HOXB3: variants seen among roughly 807,000 people sequenced by gnomAD.
HOXB3 encodes the protein homeobox protein Hox-B3.
Under a neutral mutation model 29.2 loss-of-function variants are expected in HOXB3, and 17 were observed. The observed-to-expected ratio is 0.58, with a 90% CI of 0.40 to 0.87. The LOEUF (loss-of-function observed/expected upper bound fraction) is 0.87, where lower values mean the gene tolerates loss of function less well. Ranked by LOEUF, HOXB3 falls within the 40% of genes least tolerant of loss-of-function variation. HOXB3 has a pLI of 0.00. For missense variants in HOXB3, 637 were observed against 616.3 expected, an observed-to-expected ratio of 1.03 and a Z score of -0.35; for synonymous variants, 317 against 285.9, an observed-to-expected ratio of 1.11 and a Z score of -1.10.
chr17:48,570,542 C>T (rs2069554353), intron 2 of HOXB3, among the ~76,000 whole-genome samples: 1 of 152,180 alleles, frequency 6.6e-6, no homozygotes, highest in Non-Finnish European at 1.5e-5. Context: ...TGAGGGGCCT[C>T]CCCCGGCTTG....
At chr17:48,578,422 G>A in intron 1 of HOXB3, 4 of 1,427,872 alleles carry the variant, frequency 2.8e-6, no homozygotes, top group Admixed American at 2.9e-5. Context: ...AGTGAACAAA[G>A]TTAGGCGCCC....
chr17:48,552,407 C>G lies in HOXB3; in HGVS notation c.68G>C (p.Gly23Ala), dbSNP rs1377353701. Residue 23 changes from glycine to alanine, a missense_variant, in exon 4 of 5, where the codon GGC (glycine) becomes GCC (alanine). Coordinates refer to ENST00000498678, the MANE Select transcript of HOXB3 (RefSeq NM_001384749.1). ...GACATCGAAGCCGAAGCCATTGCTG[C>G]CAGGGTACGAGGAATAGCCTCCGAA... Reference protein sequence around the residue: ...ALFGGYSSYPGSNGFGFDVPP... With the variant: ...ALFGGYSSYPASNGFGFDVPP... 4 of 1,611,138 alleles carry G rather than the reference C, an allele frequency of 2.5e-6. No homozygotes were observed. In the African/African-American group the frequency reaches 5.3e-5, roughly 22 times the overall value.
chr17:48,555,258 C>G (rs919526961), intron 3 of HOXB3: 12 of 526,756 alleles, frequency 2.3e-5, no homozygotes, highest in Admixed American at 1.1e-4. Flanking sequence ...AAATTCAGCC[C>G]TGGATCTGGC....
chr17:48,552,572 C>CT lies in HOXB3; in HGVS notation c.-99_-98insA, dbSNP rs1491313615. ...CCTGGGGGTCACGTGACACGCCGGA[C>CT]CCCCCCCCCCCACCTCCCCTCTCTG... On this transcript the variant is annotated 5_prime_UTR_variant, in exon 4 of 5. The change creates a premature stop within an existing upstream ORF in the 5' untranslated region. Coordinates refer to ENST00000498678, the MANE Select transcript of HOXB3 (RefSeq NM_001384749.1). 2 of 128,762 alleles carry CT rather than the reference C, an allele frequency of 1.6e-5. No homozygotes were observed. The highest frequency in any genetic ancestry group is 2.8e-4 in the East Asian group (2 of 7,190). 8.0% of individuals were successfully genotyped at this position (128,762 alleles called of 1,614,324 possible). A position where few individuals can be genotyped will look rare whatever the true frequency, so the allele number is the denominator to read the frequency against.
chr17:48,579,363 G>A (rs2069874962), intron 1 of HOXB3: 1 of 152,286 alleles, frequency 6.6e-6, no homozygotes, highest in Non-Finnish European at 1.5e-5. Context: ...CTTTGATACT[G>A]GGGATACAGC....
chr17:48,569,690 A>G (rs2144847862), intron 2 of HOXB3, among the ~76,000 whole-genome samples: 1 of 152,312 alleles, frequency 6.6e-6, no homozygotes, highest in Admixed American at 6.5e-5. Flanking sequence ...TTTCTGAAGG[A>G]GCCACTTTGA....
At chr17:48,559,171 C>T (rs986986030) in intron 2 of HOXB3, among the ~76,000 whole-genome samples, 2 of 151,370 alleles carry the variant, frequency 1.3e-5, no homozygotes, top group African/African-American at 4.8e-5. Flanking sequence ...CAGTATCAGG[C>T]GACGGGAGCA....
Position 48,552,553 on chromosome 17 carries a change from G to T in HOXB3, c.-79C>A, listed in dbSNP as rs1186255462. ...AGGACCGGACATTGGCAACCCTGGG[G>T]GTCACGTGACACGCCGGACCCCCCC... On this transcript the variant is annotated 5_prime_UTR_variant, in exon 4 of 5. Coordinates refer to ENST00000498678, the MANE Select transcript of HOXB3 (RefSeq NM_001384749.1). 2 of 1,182,490 alleles carry T rather than the reference G, an allele frequency of 1.7e-6. No homozygotes were observed. The highest frequency in any genetic ancestry group is 5.6e-5 in the Admixed American group (2 of 35,506). 73.2% of individuals were successfully genotyped at this position (1,182,490 alleles called of 1,614,324 possible).
At chr17:48,570,541 T>TC (rs1362754412) in intron 2 of HOXB3, among the ~76,000 whole-genome samples, 1 of 152,010 alleles carries the variant, frequency 6.6e-6, no homozygotes, top group East Asian at 1.9e-4. Context: ...CTGAGGGGCC[T>TC]CCCCCGGCTT....
At chr17:48,558,685 A>G (rs1488168516) in intron 2 of HOXB3, among the ~76,000 whole-genome samples, 5 of 152,066 alleles carry the variant, frequency 3.3e-5, no homozygotes, top group Admixed American at 2.0e-4. Context: ...GGGATTTTCA[A>G]ACTTCAGGGG....
chr17:48,557,082 A>G (rs976650404), intron 2 of HOXB3: 1 of 152,388 alleles, frequency 6.6e-6, no homozygotes, highest in African/African-American at 2.4e-5. Flanking sequence ...GATTTGGGAC[A>G]GGGGGTGGGG....
intron 1 of HOXB3, among the ~76,000 whole-genome samples, chr17:48,584,825 C>T (rs1308018728): frequency 2.0e-5 from 3 of 152,112 alleles, no homozygotes; most frequent in East Asian, 1.9e-4. Flanking sequence ...CTGCCCATTT[C>T]TGCTCCCCCA....
chr17:48,585,829 A>C (rs1043287767), intron 1 of HOXB3, among the ~76,000 whole-genome samples: 2 of 152,076 alleles, frequency 1.3e-5, no homozygotes, highest in Non-Finnish European at 2.9e-5. Flanking sequence ...GACGCCCCAC[A>C]CAGGCTGGCA....
chr17:48,558,226 C>T (rs1262489782), intron 2 of HOXB3, among the ~76,000 whole-genome samples: 1 of 152,076 alleles, frequency 6.6e-6, no homozygotes, highest in African/African-American at 2.4e-5. Flanking sequence ...AGCCTCGGGC[C>T]GGCTGCAGGA....
chr17:48,556,567 A>AAC, intron 2 of HOXB3: 1 of 152,046 alleles, frequency 6.6e-6, no homozygotes, highest in South Asian at 2.1e-4. Flanking sequence ...AAAAAAAAAA[A>AAC]AAAAACACCC....
intron 2 of HOXB3, chr17:48,557,156 T>A (rs1406850194): frequency 1.3e-5 from 2 of 152,154 alleles, no homozygotes; most frequent in Admixed American, 6.6e-5. Context: ...AAAGCAGGAG[T>A]GTTTGCAACT....
At chr17:48,559,756 T>G (rs1462653156) in intron 2 of HOXB3, 1 of 152,142 alleles carries the variant, frequency 6.6e-6, no homozygotes, top group Admixed American at 6.5e-5. Flanking sequence ...TCAGCAATAG[T>G]GGGGATCAAA....
In HOXB3 at chr17:48,550,398, G is replaced by A. The variant is rs759972116; in HGVS notation, c.1232C>T (p.Ser411Phe). The A allele has an allele frequency of 9.3e-6, 15 of 1,613,996 alleles. No individual in the cohort carries two copies. The South Asian group carries it at 1.1e-4, about 12-fold the overall frequency. The change falls in exon 5 of 5, where the codon TCC (serine) becomes TTC (phenylalanine). Residue 411 changes from serine to phenylalanine, a missense_variant. Coordinates refer to ENST00000498678, the MANE Select transcript of HOXB3 (RefSeq NM_001384749.1). ...CTGAGGAGGAGGCGCGTGGTGAGAG[G>A]AGAGGTCTGTGTAGGTGGGGTGGGG... is the stretch of plus-strand genomic sequence containing the variant. ...CEPHPTYTDL[S>F]SHHAPPPQGR...
chr17:48,575,523 C>A (rs72829861), intron 1 of HOXB3: 6,777 of 152,414 alleles, frequency 0.044, 192 homozygotes, highest in South Asian at 0.071. Context: ...TCACAAGAAA[C>A]CAAACATTTA....
Sources: allele counts gnomAD v4.1 joint callset (sites outside exome capture counted in the v4.1 genomes callset), GRCh38; gene constraint gnomAD v4.1.1; transcripts MANE v1.5; gene names NCBI Gene and HGNC (gene_info 2026-07-23, HGNC 2026-07-21).